Variants in ZNF10 observed in about 807,000 individuals in gnomAD.
ZNF10 encodes the protein zinc finger protein 10, also known as zinc finger protein 10 (KOX 1).
A neutral mutation model predicts 12.2 loss-of-function variants in ZNF10; 8 were observed. That is an observed-to-expected ratio of 0.66 (90% CI 0.39 to 1.18). The LOEUF is 1.18. ZNF10 is among the 50% of genes most tolerant of loss of function. The pLI is 0.01. For synonymous variants in ZNF10, 229 were observed against 228.2 expected (o/e 1.00, Z -0.03); for missense variants, 603 against 678.9 (o/e 0.89, Z 1.24).
In ZNF10 at chr12:133,156,721, G is replaced by A. The variant is rs1025472477; in HGVS notation, c.1475G>A (p.Cys492Tyr). 3.1e-6 allele frequency: 5 copies of A among 1,612,488 alleles called. No individual in the cohort carries two copies. In the African/African-American group the frequency reaches 6.7e-5, roughly 22 times the overall value. The change falls in exon 5 of 5, where the codon TGT becomes TAT. Residue 492 changes from cysteine (C) to tyrosine (Y), a missense_variant. Cys to Tyr is a radical substitution (Grantham distance 194). Transcript: ENST00000248211. ...IHTGEKPYEC[C>Y]QCGKAFIRKN... ...ACTGGAGAGAAACCATATGAATGCT[G>A]TCAGTGTGGGAAAGCCTTCATCCGG...
At chr12:133,149,987 C>A (rs1446629294) in intron 2 of ZNF10, among the ~76,000 whole-genome samples, 1 of 152,194 alleles carries the variant, frequency 6.6e-6, no homozygotes, top group Non-Finnish European at 1.5e-5. Context: ...AGAAGCCTTA[C>A]AACATGTGGG....
intron 3 of ZNF10, 59 bp from the exon 4 acceptor site, chr12:133,151,750 G>C (rs1368588390): frequency 1.5e-6 from 2 of 1,374,044 alleles, no homozygotes; most frequent in Non-Finnish European, 2.1e-6. Context: ...ATGTTTCTTC[G>C]TGCCTACCTC....
chr12:133,156,474 T>C lies in ZNF10; in HGVS notation c.1228T>C (p.Cys410Arg). ...AGTGAGGCCCTATGAATGCAATGAATGTGGAAAGTCTTACAGCCAGAGATC... is the reference window on the plus strand; with the variant it reads ...AGTGAGGCCCTATGAATGCAATGAACGTGGAAAGTCTTACAGCCAGAGATC... Reference protein sequence around the residue: ...VRVRPYECNECGKSYSQRSHL... With the variant: ...VRVRPYECNERGKSYSQRSHL... The change falls in exon 5 of 5, where the codon TGT (cysteine) becomes CGT (arginine). Residue 410 changes from cysteine (C) to arginine (R), a missense_variant. This residue lies in a region of ZNF10 where 204 missense variants were observed against 262.8 expected (regional missense o/e 0.78). Transcript: ENST00000248211. The C allele has an allele frequency of 6.2e-7, 1 of 1,613,866 alleles. No individual in the cohort carries two copies. Among genetic ancestry groups the C allele is most frequent in the African/African-American group, 1.3e-5 (1 of 75,058 alleles).
intron 2 of ZNF10, among the ~76,000 whole-genome samples, chr12:133,150,131 A>G (rs7963337): frequency 0.02 from 3,102 of 152,254 alleles, 112 homozygotes; most frequent in African/African-American, 0.071. Context: ...AATCTGTTAT[A>G]TTTACCCAGA....
intron 2 of ZNF10, among the ~76,000 whole-genome samples, chr12:133,147,683 G>A (rs140706171): frequency 0.011 from 1,616 of 144,874 alleles, 33 homozygotes; most frequent in African/African-American, 0.039. Flanking sequence ...CACGATATCA[G>A]CTCACTGCAA....
intron 1 of ZNF10, chr12:133,143,384 A>C (rs1955957559): frequency 6.6e-6 from 1 of 152,210 alleles, no homozygotes; most frequent in Non-Finnish European, 1.5e-5. Flanking sequence ...ATAATATACC[A>C]AAACCCACTG....
intron 2 of ZNF10, among the ~76,000 whole-genome samples, chr12:133,149,207 C>T (rs1267020079): frequency 6.6e-6 from 1 of 152,038 alleles, no homozygotes; most frequent in Non-Finnish European, 1.5e-5. Flanking sequence ...GTGATTCTCC[C>T]ACCTGTCTCC....
rs186581645 is a variant in ZNF10 at position 133,135,490 on chromosome 12, A to T, written c.-60+4736A>T. 4.6e-5 allele frequency among the ~76,000 whole-genome samples: 7 copies of T among 152,254 alleles called. No homozygotes were observed. The East Asian group carries it at 1.4e-3, about 29-fold the overall frequency. ...GGACTTCGTTATATGAGCTGAGCCT[A>T]CCTTGCCTTCTCATCTCTGGAGGCT... On this transcript the variant is annotated intron_variant, in intron 1 of 4. Transcript: ENST00000248211.
At chr12:133,149,929 CT>C (rs1318639310) in intron 2 of ZNF10, among the ~76,000 whole-genome samples, 1 of 152,048 alleles carries the variant, frequency 6.6e-6, no homozygotes, top group Non-Finnish European at 1.5e-5. Flanking sequence ...CATATCTAAT[CT>C]TTTACAGTCC....
chr12:133,131,222 T>C (rs1955873295), intron 1 of ZNF10, among the ~76,000 whole-genome samples: 1 of 152,192 alleles, frequency 6.6e-6, no homozygotes, highest in Non-Finnish European at 1.5e-5. Flanking sequence ...TGTTTTGTTT[T>C]TTAATCAGAT....
intron 1 of ZNF10, among the ~76,000 whole-genome samples, chr12:133,140,863 G>A (rs1403190000): frequency 6.6e-6 from 1 of 152,082 alleles, no homozygotes; most frequent in Non-Finnish European, 1.5e-5. Flanking sequence ...TATGGCTTCT[G>A]TAAGAGAGCA....
chr12:133,158,285 C>T lies in ZNF10; in HGVS notation c.*1317C>T, dbSNP rs1019836025. 1 of 152,156 alleles carries T rather than the reference C, an allele frequency of 6.6e-6. No individual in the cohort carries two copies. Among genetic ancestry groups the T allele is most frequent in the African/African-American group, 2.4e-5 (1 of 41,432 alleles). The allele number at this position is 152,156 out of a possible 1,614,324, so 9.4% of individuals were successfully genotyped here. On this transcript the variant is annotated 3_prime_UTR_variant, in exon 5 of 5. Transcript: ENST00000248211. ...CTGGCTGTGATTATTAATAATATTGCCGCACCCTAATATCTGTTATTTAAT... is the reference window on the plus strand; with the variant it reads ...CTGGCTGTGATTATTAATAATATTGTCGCACCCTAATATCTGTTATTTAAT...
intron 1 of ZNF10, among the ~76,000 whole-genome samples, chr12:133,137,642 A>G (rs987776921): frequency 3.9e-5 from 6 of 152,072 alleles, no homozygotes; most frequent in African/African-American, 1.4e-4. Context: ...ATCAAACTCT[A>G]CTGTAAATGT....
intron 1 of ZNF10, among the ~76,000 whole-genome samples, chr12:133,132,162 A>G (rs751625950): frequency 3.3e-5 from 5 of 152,232 alleles, no homozygotes; most frequent in Non-Finnish European, 7.3e-5. Context: ...TATATGAGAA[A>G]AACTTCAAAA....
intron 2 of ZNF10, among the ~76,000 whole-genome samples, chr12:133,147,782 ATTTTTTT>A (rs767587711): frequency 3.7e-5 from 5 of 135,404 alleles, no homozygotes; most frequent in Admixed American, 2.2e-4. Flanking sequence ...TGCCTGGCTA[ATTTTTTT>A]TTTTTTTTTT....
chr12:133,150,899 A>T lies in ZNF10; in HGVS notation c.34-129A>T, dbSNP rs1593845688. On this transcript the variant is annotated intron_variant, in intron 2 of 4. Transcript: ENST00000248211. ...AGAATAAATACTACTCACTCCTAGA[A>T]TAAATTGTGGTCCATCCACTTTACC... 3.6e-6 allele frequency: 4 copies of T among 1,111,510 alleles called. No individual in the cohort carries two copies. In the East Asian group the frequency reaches 9.9e-5, roughly 27 times the overall value. 68.9% of individuals were successfully genotyped at this position (1,111,510 alleles called of 1,614,324 possible). A position where few individuals can be genotyped will look rare whatever the true frequency, so the allele number is the denominator to read the frequency against.
Position 133,157,601 on chromosome 12 carries a change from G to T in ZNF10, c.*633G>T, listed in dbSNP as rs951570611. The T allele has an allele frequency of 6.6e-6, 1 of 152,334 alleles. No homozygotes were observed. Among genetic ancestry groups the T allele is most frequent in the African/African-American group, 2.4e-5 (1 of 41,584 alleles). The allele number at this position is 152,334 out of a possible 1,614,324, so 9.4% of individuals were successfully genotyped here. A position where few individuals can be genotyped will look rare whatever the true frequency, so the allele number is the denominator to read the frequency against. ...TTGAAAGTATACAGATAATTGAACA[G>T]AATTGATTTGTTAGATAAGGAGATT... On this transcript the variant is annotated 3_prime_UTR_variant, in exon 5 of 5. Coordinates refer to ENST00000248211, the MANE Select transcript of ZNF10 (RefSeq NM_015394.5).
intron 1 of ZNF10, among the ~76,000 whole-genome samples, chr12:133,141,500 G>A (rs1955944087): frequency 6.6e-6 from 1 of 152,042 alleles, no homozygotes; most frequent in African/African-American, 2.4e-5. Context: ...TACAGCAATA[G>A]AAAGTATTAA....
intron 1 of ZNF10, among the ~76,000 whole-genome samples, chr12:133,142,684 A>T (rs1955953098): frequency 6.6e-6 from 1 of 152,214 alleles, no homozygotes; most frequent in Non-Finnish European, 1.5e-5. Flanking sequence ...ATTAAAAAAA[A>T]ATAGAATAAC....
Sources: allele counts gnomAD v4.1 joint callset (sites outside exome capture counted in the v4.1 genomes callset), GRCh38; gene constraint gnomAD v4.1.1; regional missense constraint gnomAD v4.1.1; transcripts MANE v1.5; gene names NCBI Gene and HGNC (gene_info 2026-07-23, HGNC 2026-07-21).